CACNA1A: variants seen among roughly 807,000 people sequenced by gnomAD.
CACNA1A encodes the protein calcium voltage-gated channel subunit alpha1 A, also known as voltage-dependent P/Q-type calcium channel subunit alpha-1A.
CACNA1A carries 57 observed loss-of-function variants against 262.4 expected under a neutral mutation model. The ratio of observed to expected loss-of-function variants is 0.22; its 90% CI spans 0.18 to 0.27. The LOEUF is 0.27. CACNA1A is among the 10% of genes least tolerant of loss of function. CACNA1A has a pLI of 1.00. For missense variants in CACNA1A, 2,526 were observed against 3,562.8 expected, an observed-to-expected ratio of 0.71 and a Z score of 7.41; for synonymous variants, 1,431 against 1,419.3, an observed-to-expected ratio of 1.01 and a Z score of -0.18.
At chr19:13,405,574 C>T (rs573714329) in intron 3 of CACNA1A, among the ~76,000 whole-genome samples, 6 of 151,990 alleles carry the variant, frequency 3.9e-5, no homozygotes, top group Admixed American at 6.6e-5. Flanking sequence ...TACAAGGAGC[C>T]GGATACTGTT....
chr19:13,470,173 C>T (rs1041225256), intron 1 of CACNA1A, among the ~76,000 whole-genome samples: 1 of 152,102 alleles, frequency 6.6e-6, no homozygotes, highest in African/African-American at 2.4e-5. Context: ...TTAAAACCTC[C>T]ACCCTTGACT....
chr19:13,423,582 G>C (rs1422103679), intron 3 of CACNA1A, among the ~76,000 whole-genome samples: 1 of 151,944 alleles, frequency 6.6e-6, no homozygotes, highest in Non-Finnish European at 1.5e-5. Flanking sequence ...TGCAATCTTG[G>C]CTCACTACCA....
chr19:13,373,496 A>T (rs1286805258), intron 3 of CACNA1A, among the ~76,000 whole-genome samples: 1 of 152,144 alleles, frequency 6.6e-6, no homozygotes, highest in African/African-American at 2.4e-5. Flanking sequence ...TCAATACCGC[A>T]GCTCCCTCAC....
At chr19:13,455,258 G>A in intron 1 of CACNA1A, 46 bp from the exon 2 acceptor site, 1 of 1,212,236 alleles carries the variant, frequency 8.2e-7, no homozygotes, top group Non-Finnish European at 1.2e-6. Context: ...AAAGAAGGGT[G>A]TTGGAGGTGC....
rs894704270 is a variant in CACNA1A, at chr19:13,211,164, C to T, written c.6304-512G>A. 1.1e-4 allele frequency: 18 copies of T among 171,072 alleles called. 1 individual carries two copies. The highest frequency in any genetic ancestry group is 4.3e-4 in the African/African-American group (18 of 42,042). The allele number at this position is 171,072 out of a possible 1,614,324, so 10.6% of individuals were successfully genotyped here. A position where few individuals can be genotyped will look rare whatever the true frequency, so the allele number is the denominator to read the frequency against. On this transcript the variant is annotated intron_variant, in intron 43 of 46. Coordinates refer to ENST00000360228, the MANE Select transcript of CACNA1A (RefSeq NM_001127222.2). Reference sequence around the variant, plus strand: ...TCCCAGCAGCCAGAGGCCAGGCCCTCAGGTGACCCTGGTCCAGCCAGGCAC... The same window carrying T: ...TCCCAGCAGCCAGAGGCCAGGCCCTTAGGTGACCCTGGTCCAGCCAGGCAC...
At chr19:13,224,590 C>G in intron 38 of CACNA1A, 77 bp downstream of exon 38, 1 of 924,768 alleles carries the variant, frequency 1.1e-6, no homozygotes, top group Non-Finnish European at 1.7e-6. Context: ...AGCAGATCCT[C>G]TAGTTTGGGG....
intron 6 of CACNA1A, among the ~76,000 whole-genome samples, chr19:13,343,571 A>G (rs964396708): frequency 3.9e-5 from 6 of 152,152 alleles, no homozygotes; most frequent in African/African-American, 1.2e-4. Context: ...GACAGACCAC[A>G]TGTTAGGCCA....
chr19:13,397,875 A>C (rs956804169), intron 3 of CACNA1A, among the ~76,000 whole-genome samples: 5 of 152,124 alleles, frequency 3.3e-5, no homozygotes, highest in Admixed American at 1.3e-4. Flanking sequence ...GAGACTTTGG[A>C]AGCCATGGGT....
chr19:13,495,015 A>G (rs1416825948), intron 1 of CACNA1A, among the ~76,000 whole-genome samples: 4 of 152,122 alleles, frequency 2.6e-5, no homozygotes, highest in Non-Finnish European at 4.4e-5. Context: ...CTTGGAAGAG[A>G]AAGAGTCTAC....
chr19:13,294,142 C>T (rs2057606509), intron 19 of CACNA1A, among the ~76,000 whole-genome samples: 1 of 146,138 alleles, frequency 6.8e-6, no homozygotes, highest in African/African-American at 2.5e-5. Flanking sequence ...AGGTCTTGCT[C>T]ATCTCTAAAA....
intron 3 of CACNA1A, among the ~76,000 whole-genome samples, chr19:13,439,041 C>A (rs2060664053): frequency 6.6e-6 from 1 of 151,778 alleles, no homozygotes; most frequent in African/African-American, 2.4e-5. Context: ...GCCCAGCTTT[C>A]TCTTTCTTTT....
chr19:13,344,497 C>T (rs191476448), intron 6 of CACNA1A, among the ~76,000 whole-genome samples: 3 of 152,252 alleles, frequency 2.0e-5, no homozygotes, highest in Admixed American at 6.5e-5. Context: ...GGACTTGCCC[C>T]TTCCTGCAGC....
chr19:13,416,460 C>T lies in CACNA1A; in HGVS notation c.539+36416G>A, dbSNP rs573621454. Among the ~76,000 whole-genome samples, 32 of 152,164 alleles carry T rather than the reference C, an allele frequency of 2.1e-4. 1 individual carries two copies. Among genetic ancestry groups the T allele is most frequent in the Admixed American group, 3.3e-4 (5 of 15,282 alleles). ...ACTTCGGGAGGCCGAGGCGGTGGAT[C>T]ACCTGAGATCAGGAATTCGGGACCA... is the stretch of plus-strand genomic sequence containing the variant. On this transcript the variant is annotated intron_variant, in intron 3 of 46. Coordinates refer to ENST00000360228, the MANE Select transcript of CACNA1A (RefSeq NM_001127222.2).
At chr19:13,501,134 C>G (rs903339278) in intron 1 of CACNA1A, among the ~76,000 whole-genome samples, 2 of 151,878 alleles carry the variant, frequency 1.3e-5, no homozygotes, top group African/African-American at 2.4e-5. Flanking sequence ...TTTGTCAAAG[C>G]TTGCAGACCA....
At chr19:13,257,236 G>A in intron 28 of CACNA1A, 114 bp downstream of exon 28, 1 of 790,936 alleles carries the variant, frequency 1.3e-6, no homozygotes, top group Non-Finnish European at 2.0e-6. Context: ...TTGGGACAAT[G>A]CTTCTGTTCC....
chr19:13,311,322 C>T (rs2058029410), intron 12 of CACNA1A, among the ~76,000 whole-genome samples: 1 of 152,154 alleles, frequency 6.6e-6, no homozygotes, highest in African/African-American at 2.4e-5. Context: ...AACTCCTGGG[C>T]TCAAGCAATT....
intron 5 of CACNA1A, chr19:13,363,633 T>C (rs889823432): frequency 1.3e-5 from 2 of 152,028 alleles, no homozygotes; most frequent in African/African-American, 4.8e-5. Context: ...GCGGATCCAC[T>C]TGGGGGTCAC....
At chr19:13,242,794 G>A (rs1045884378) in intron 31 of CACNA1A, among the ~76,000 whole-genome samples, 1 of 152,170 alleles carries the variant, frequency 6.6e-6, no homozygotes, top group African/African-American at 2.4e-5. Flanking sequence ...TGTGAGTCTT[G>A]CAAGTGTCTG....
chr19:13,429,089 G>A (rs898400343), intron 3 of CACNA1A, among the ~76,000 whole-genome samples: 3 of 150,468 alleles, frequency 2.0e-5, no homozygotes, highest in Admixed American at 6.7e-5. Flanking sequence ...GCTGGGTCTC[G>A]CTCCTCTGCC....
Sources: gnomAD v4.1 joint callset for allele counts (sites outside exome capture counted in the v4.1 genomes callset) on GRCh38, gnomAD v4.1.1 for gene constraint, MANE v1.5 for transcripts, NCBI Gene and HGNC (gene_info 2026-07-23, HGNC 2026-07-21) for gene names.